RNASEL: variants seen among roughly 807,000 people sequenced by gnomAD.
RNASEL encodes 2-5A-dependent ribonuclease.
RNASEL carries 36 observed loss-of-function variants against 50.9 expected under a neutral mutation model. That is an observed-to-expected ratio of 0.71 (90% CI 0.54 to 0.93). RNASEL has a LOEUF of 0.93. Ranked by LOEUF, RNASEL falls within the 40% of genes least tolerant of loss-of-function variation. The pLI, the probability that RNASEL is intolerant of heterozygous loss-of-function variation, is 0.00. For missense variants in RNASEL, 860 were observed against 894.5 expected, an observed-to-expected ratio of 0.96 and a Z score of 0.49; for synonymous variants, 335 against 335.6, an observed-to-expected ratio of 1.00 and a Z score of 0.02.
Position 182,586,377 on chromosome 1 carries a change from G to C in RNASEL, c.430C>G (p.Leu144Val). The C allele has an allele frequency of 6.2e-7, 1 of 1,614,076 alleles. No homozygotes were observed. The highest frequency in any genetic ancestry group is 1.6e-4 in the Middle Eastern group (1 of 6,062). ...TTCACATTTGCTCCTCTCTTATAAA[G>C]GAATTTTAGGGCTTTGACCTTACCA... ...VYGKVKALKF[L>V]YKRGANVNLR... Residue 144 changes from leucine to valine, a missense_variant, in exon 2 of 7, where the codon CTT becomes GTT. Coordinates refer to ENST00000367559, the MANE Select transcript of RNASEL (RefSeq NM_021133.4).
intron 2 of RNASEL, among the ~76,000 whole-genome samples, 173 bp from the exon 3 acceptor site, chr1:182,584,339 T>A (rs992405412): frequency 6.6e-6 from 1 of 152,242 alleles, no homozygotes; most frequent in African/African-American, 2.4e-5. Flanking sequence ...CCATGTGCAC[T>A]GTTTCATTTG....
intron 5 of RNASEL, chr1:182,580,157 T>C (rs1661464885): frequency 2.9e-6 from 1 of 343,334 alleles, no homozygotes; most frequent in Non-Finnish European, 5.7e-6. Context: ...CAAATTTCTT[T>C]GTTTCTACAA....
Position 182,575,324 on chromosome 1 carries a change from G to C in RNASEL, c.*68C>G. 1 of 1,533,434 alleles carries C rather than the reference G, an allele frequency of 6.5e-7. No homozygotes were observed. The highest frequency in any genetic ancestry group is 2.2e-5 in the East Asian group (1 of 44,512). 95.0% of individuals were successfully genotyped at this position (1,533,434 alleles called of 1,614,324 possible). A position where few individuals can be genotyped will look rare whatever the true frequency, so the allele number is the denominator to read the frequency against. On this transcript the variant is annotated 3_prime_UTR_variant, in exon 7 of 7. Coordinates refer to ENST00000367559, the MANE Select transcript of RNASEL (RefSeq NM_021133.4). ...GCAACCTGGTGAGTTAAAAGGCCCA[G>C]AATGTTGTGATTTGCCAAGGACTCT... is the stretch of plus-strand genomic sequence containing the variant.
At chr1:182,584,948 C>A (rs1188070650) in intron 2 of RNASEL, among the ~76,000 whole-genome samples, 1 of 152,206 alleles carries the variant, frequency 6.6e-6, no homozygotes, top group Non-Finnish European at 1.5e-5. Flanking sequence ...TCCTGACATC[C>A]TCAACTTTGA....
At position 182,586,366 on chromosome 1, in the gene RNASEL, T is replaced by A. The variant is rs1236359407; in HGVS notation, c.441A>T (p.Arg147Ser). The A allele has an allele frequency of 1.9e-6, 3 of 1,614,210 alleles. No homozygotes were observed. In the Admixed American group the frequency reaches 5.0e-5, roughly 27 times the overall value. Residue 147 changes from arginine to serine, a missense_variant, in exon 2 of 7, where the codon AGA becomes AGT. Transcript: ENST00000367559. ...KVKALKFLYK[R>S]GANVNLRRKT... ...TTCGCCTCAAATTCACATTTGCTCC[T>A]CTCTTATAAAGGAATTTTAGGGCTT...
chr1:182,574,617 C>T lies in RNASEL; in HGVS notation c.*775G>A. On this transcript the variant is annotated 3_prime_UTR_variant, in exon 7 of 7. Coordinates refer to ENST00000367559, the MANE Select transcript of RNASEL (RefSeq NM_021133.4). ...GCTGTCCTGTGCAAGGCAGGTTTGGCAGCATCCCTGGTCTTTACCCACTAA... is the reference window on the plus strand; with the variant it reads ...GCTGTCCTGTGCAAGGCAGGTTTGGTAGCATCCCTGGTCTTTACCCACTAA... 4.3e-6 allele frequency: 1 copy of T among 232,730 alleles called. No individual in the cohort carries two copies. Among genetic ancestry groups the T allele is most frequent in the Non-Finnish European group, 8.5e-6 (1 of 117,806 alleles). The allele number at this position is 232,730 out of a possible 1,614,324, so 14.4% of individuals were successfully genotyped here.
rs368181945 is a variant in RNASEL at position 182,576,299 on chromosome 1, T to C, written c.1996A>G (p.Ile666Val). 8.7e-6 allele frequency: 14 copies of C among 1,612,396 alleles called. No individual in the cohort carries two copies. The African/African-American group carries it at 1.6e-4, about 18-fold the overall frequency. ...QNTVGDLLKF[I>V]RNLGEHIDEE... ...TCAATGTGTTCTCCCAAATTCCGGA[T>C]GAACTTTAGCAGATCACCCACAGTG... Residue 666 changes from isoleucine to valine, a missense_variant, in exon 6 of 7, where the codon ATC (isoleucine) becomes GTC (valine). Ile to Val is a conservative substitution (Grantham distance 29). Coordinates refer to ENST00000367559, the MANE Select transcript of RNASEL (RefSeq NM_021133.4).
chr1:182,575,103 C>A lies in RNASEL; in HGVS notation c.*289G>T, dbSNP rs1025691402. 2.2e-6 allele frequency: 1 copy of A among 452,314 alleles called. No individual in the cohort carries two copies. Among genetic ancestry groups the A allele is most frequent in the Admixed American group, 3.8e-5 (1 of 26,054 alleles). The allele number at this position is 452,314 out of a possible 1,614,324, so 28.0% of individuals were successfully genotyped here. On this transcript the variant is annotated 3_prime_UTR_variant, in exon 7 of 7. Transcript: ENST00000367559. ...GGAAAATTAAGTGAGAGAATTGTAA[C>A]ATATGCAGCATTAGGGGTCAAGGCA...
rs759464898 is a variant in RNASEL at position 182,576,344 on chromosome 1, T to A, written c.1951A>T (p.Arg651Ter). 2 of 1,603,996 alleles carry A rather than the reference T, an allele frequency of 1.2e-6. No homozygotes were observed. The highest frequency in any genetic ancestry group is 1.7e-6 in the Non-Finnish European group (2 of 1,171,836). The change falls in exon 6 of 7, where the codon AGA becomes TGA. Residue 651 changes from arginine (R) to a stop codon, truncating the protein, a stop_gained. Coordinates refer to ENST00000367559, the MANE Select transcript of RNASEL (RefSeq NM_021133.4). LOFTEE classifies it high-confidence loss of function. ...MKKMNKFYEK[R>*]GNFYQNTVGD... ...ACAGTGTTCTGGTAGAAATTGCCTC[T>A]TTTTTCATAAAACTTATTCATTTTT...
Position 182,584,186 on chromosome 1 carries a change from G to T in RNASEL, c.1481-20C>A, listed in dbSNP as rs997646929. The T allele has an allele frequency of 6.5e-7, 1 of 1,544,694 alleles. No homozygotes were observed. Among genetic ancestry groups the T allele is most frequent in the Non-Finnish European group, 9.0e-7 (1 of 1,116,698 alleles). On this transcript the variant is annotated intron_variant, in intron 2 of 6. Transcript: ENST00000367559. ...TAGAATCTAAGGAAAAGTTTGCAGA[G>T]GCACATTGAAAATACTCATTCTCCA... is the stretch of plus-strand genomic sequence containing the variant.
At chr1:182,580,141 T>C in intron 5 of RNASEL, 1 of 342,270 alleles carries the variant, frequency 2.9e-6, no homozygotes, top group South Asian at 2.1e-5. Context: ...CTATCATAGC[T>C]GCTTTCAAAT....
chr1:182,579,085 G>A (rs530810845), intron 5 of RNASEL: 12 of 211,964 alleles, frequency 5.7e-5, no homozygotes, highest in African/African-American at 1.9e-4. Context: ...AAGGTGGGAG[G>A]GTTGGAGGGA....
chr1:182,586,730 T>C lies in RNASEL; in HGVS notation c.77A>G (p.Asn26Ser). 1 of 1,614,276 alleles carries C rather than the reference T, an allele frequency of 6.2e-7. No individual in the cohort carries two copies. Among genetic ancestry groups the C allele is most frequent in the Non-Finnish European group, 8.5e-7 (1 of 1,180,048 alleles). Residue 26 changes from asparagine to serine, a missense_variant, in exon 2 of 7, where the codon AAT becomes AGT. By Grantham distance (46) the Asn-to-Ser change is conservative (BLOSUM62 1). Transcript: ENST00000367559. The stretch of plus-strand genomic sequence containing the variant: ...TTGAACAGCTTTAATCAGCAAGTGA[T>C]TGTCTTCCACTGCAGCCCTTCTACC... ...SSGRRAAVED[N>S]HLLIKAVQNE...
chr1:182,584,080 C>T lies in RNASEL; in HGVS notation c.1566+1G>A, dbSNP rs778798515. 8 of 1,609,090 alleles carry T rather than the reference C, an allele frequency of 5.0e-6. No homozygotes were observed. Among genetic ancestry groups the T allele is most frequent in the Non-Finnish European group, 6.8e-6 (8 of 1,175,576 alleles). Reference sequence around the variant, plus strand: ...AAGGTAAACTGGATTGTAGAATTTACCTCTAGATCTCTCTTGACTTCCTGT... The same window carrying T: ...AAGGTAAACTGGATTGTAGAATTTATCTCTAGATCTCTCTTGACTTCCTGT... On this transcript the variant is annotated splice_donor_variant, in intron 3 of 6. Transcript: ENST00000367559. LOFTEE classifies it high-confidence loss of function.
Position 182,581,299 on chromosome 1 carries a change from C to T in RNASEL, c.1831G>A (p.Glu611Lys), listed in dbSNP as rs1289742369. The T allele has an allele frequency of 1.2e-6, 2 of 1,614,100 alleles. No individual in the cohort carries two copies. Among genetic ancestry groups the T allele is most frequent in the South Asian group, 2.2e-5 (2 of 91,076 alleles). The part of the protein sequence containing the change: ...NESDIKTRKS[E>K]SEILRLLQPG... ...TGCAGTAGTCTGAGGATCTCACTTT[C>T]AGATTTTCGTGTTTTGATGTCGGAT... is the stretch of plus-strand genomic sequence containing the variant. Residue 611 changes from glutamate to lysine, a missense_variant, in exon 5 of 7, where the codon GAA (glutamate) becomes AAA (lysine). By Grantham distance (56) the Glu-to-Lys change is moderately conservative (BLOSUM62 1). Coordinates refer to ENST00000367559, the MANE Select transcript of RNASEL (RefSeq NM_021133.4).
At chr1:182,588,062 T>A (rs1235455602) in intron 1 of RNASEL, among the ~76,000 whole-genome samples, 1 of 152,230 alleles carries the variant, frequency 6.6e-6, no homozygotes, top group Admixed American at 6.5e-5. Flanking sequence ...ACATTTAAGG[T>A]AAGCTAGGAT....
intron 5 of RNASEL, among the ~76,000 whole-genome samples, chr1:182,577,545 T>C (rs913346199): frequency 1.3e-5 from 2 of 152,156 alleles, no homozygotes; most frequent in African/African-American, 4.8e-5. Context: ...ATTGTTAAAG[T>C]GATCACCCCG....
rs899045459 is a variant in RNASEL at position 182,586,313 on chromosome 1, C to T, written c.494G>A (p.Arg165Lys). ...CATGAGAGCTGTGGCCCCTCCTTTC[C>T]TCAGCCGCTCTTGATCCTCCTTTGT... ...RKTKEDQERL[R>K]KGGATALMDA... The change falls in exon 2 of 7, where the codon AGG becomes AAG. Residue 165 changes from arginine (R) to lysine (K), a missense_variant. Arg to Lys is a conservative substitution (Grantham distance 26, BLOSUM62 2). Coordinates refer to ENST00000367559, the MANE Select transcript of RNASEL (RefSeq NM_021133.4). The T allele has an allele frequency of 6.8e-6, 11 of 1,614,068 alleles. No homozygotes were observed. Among genetic ancestry groups the T allele is most frequent in the African/African-American group, 5.3e-5 (4 of 74,930 alleles).
rs542372790 is a variant in RNASEL, at chr1:182,574,456, C to T, written c.*936G>A. ...AGCAAGAGTAAATAAATCTGAGTCCCTCCTCTGTGGGGTGGTCCACACACT... is the reference window on the plus strand; with the variant it reads ...AGCAAGAGTAAATAAATCTGAGTCCTTCCTCTGTGGGGTGGTCCACACACT... On this transcript the variant is annotated 3_prime_UTR_variant, in exon 7 of 7. Coordinates refer to ENST00000367559, the MANE Select transcript of RNASEL (RefSeq NM_021133.4). 4.8e-5 allele frequency: 11 copies of T among 230,954 alleles called. No homozygotes were observed. In the East Asian group the frequency reaches 6.8e-4, roughly 14 times the overall value. 14.3% of individuals were successfully genotyped at this position (230,954 alleles called of 1,614,324 possible). A position where few individuals can be genotyped will look rare whatever the true frequency, so the allele number is the denominator to read the frequency against.
Sources: gnomAD v4.1 joint callset for allele counts (sites outside exome capture counted in the v4.1 genomes callset) on GRCh38, gnomAD v4.1.1 for gene constraint, MANE v1.5 for transcripts, NCBI Gene and HGNC (gene_info 2026-07-23, HGNC 2026-07-21) for gene names.